CWC27: variants seen among roughly 807,000 people sequenced by gnomAD.
The protein encoded by CWC27 is spliceosome-associated protein CWC27 homolog.
Under a neutral mutation model 63.6 loss-of-function variants are expected in CWC27, and 47 were observed. The observed-to-expected ratio is 0.74, with a 90% CI of 0.58 to 0.94. The LOEUF (loss-of-function observed/expected upper bound fraction) is 0.94, where lower values mean the gene tolerates loss of function less well. Among genes scored for constraint, CWC27 ranks in the 40% least tolerant of loss-of-function variants. The pLI is 0.00. For synonymous variants in CWC27, 175 were observed against 179.8 expected, an observed-to-expected ratio of 0.97 and a Z score of 0.22; for missense variants, 495 against 554.3, an observed-to-expected ratio of 0.89 and a Z score of 1.07.
chr5:64,917,258 T>C (rs1289571988), intron 11 of CWC27, among the ~76,000 whole-genome samples: 1 of 152,186 alleles, frequency 6.6e-6, no homozygotes, highest in African/African-American at 2.4e-5. Context: ...TCGGTAGGCC[T>C]CTGCATACAT....
At chr5:64,931,263 A>G (rs566921466) in intron 11 of CWC27, among the ~76,000 whole-genome samples, 2 of 152,160 alleles carry the variant, frequency 1.3e-5, no homozygotes, top group South Asian at 4.1e-4. Flanking sequence ...CCTAGTCTCA[A>G]ATGATTGAGA....
chr5:64,783,069 A>G (rs1208363792), intron 3 of CWC27, among the ~76,000 whole-genome samples: 1 of 152,218 alleles, frequency 6.6e-6, no homozygotes, highest in Non-Finnish European at 1.5e-5. Flanking sequence ...TTTTGAATAC[A>G]GTATACAGAG....
chr5:64,829,830 T>C (rs1265914275), intron 10 of CWC27, among the ~76,000 whole-genome samples: 1 of 151,626 alleles, frequency 6.6e-6, no homozygotes, highest in African/African-American at 2.4e-5. Context: ...TGTGTGATGT[T>C]CCCCTCCCTG....
chr5:64,945,253 T>C lies in CWC27; in HGVS notation c.1043-26450T>C, dbSNP rs140422912. Among the ~76,000 whole-genome samples the C allele has an allele frequency of 1.6e-4, 25 of 152,328 alleles. 1 individual carries two copies. The highest frequency in any genetic ancestry group is 2.9e-4 in the Non-Finnish European group (20 of 68,032). On this transcript the variant is annotated intron_variant, in intron 11 of 13. Coordinates refer to ENST00000381070, the MANE Select transcript of CWC27 (RefSeq NM_005869.4). ...TTCCTTGTGTTACTACCTTGTAATA[T>C]ACTATATGTCTTATTAATTTGTTGT...
intron 2 of CWC27, among the ~76,000 whole-genome samples, chr5:64,781,147 T>C (rs796072504): frequency 9.8e-5 from 15 of 152,290 alleles, no homozygotes; most frequent in African/African-American, 3.4e-4. Flanking sequence ...TAGGAGGTCA[T>C]ATACAGTCTC....
intron 13 of CWC27, among the ~76,000 whole-genome samples, chr5:64,984,826 A>G (rs1170058096): frequency 6.6e-6 from 1 of 152,188 alleles, no homozygotes; most frequent in Admixed American, 6.5e-5. Flanking sequence ...TTCCTTTTAC[A>G]GGTTATGCTT....
At chr5:64,924,555 C>T (rs73107279) in intron 11 of CWC27, among the ~76,000 whole-genome samples, 15,511 of 152,202 alleles carry the variant, frequency 0.1, 2,422 homozygotes, top group African/African-American at 0.34. Context: ...CTTCTTTTAT[C>T]CTCCTATAGA....
intron 11 of CWC27, among the ~76,000 whole-genome samples, chr5:64,893,025 G>C (rs965183789): frequency 1.3e-5 from 2 of 152,198 alleles, no homozygotes; most frequent in Admixed American, 1.3e-4. Flanking sequence ...TCCACTCTTG[G>C]AAAGTAGAAG....
intron 11 of CWC27, among the ~76,000 whole-genome samples, chr5:64,893,393 A>T (rs1407653198): frequency 6.6e-6 from 1 of 152,206 alleles, no homozygotes; most frequent in East Asian, 1.9e-4. Context: ...TATAGTGTAA[A>T]CCTGTGAATA....
chr5:64,874,158 T>C, intron 10 of CWC27, among the ~76,000 whole-genome samples: 1 of 33,696 alleles, frequency 3.0e-5, no homozygotes, highest in Admixed American at 2.5e-4. Context: ...TTGATGCTTT[T>C]TTTTTTTTTT....
At chr5:64,786,459 C>A in intron 5 of CWC27, 65 bp from the exon 6 acceptor site, 2 of 926,770 alleles carry the variant, frequency 2.2e-6, no homozygotes, top group Non-Finnish European at 3.2e-6. Flanking sequence ...GAATTACATA[C>A]GGGGTTTGAT....
intron 11 of CWC27, among the ~76,000 whole-genome samples, chr5:64,929,246 A>G (rs776376004): frequency 6.6e-6 from 1 of 152,172 alleles, no homozygotes; most frequent in Non-Finnish European, 1.5e-5. Flanking sequence ...ATCAGTGGCA[A>G]TGAGTACATT....
At chr5:64,881,769 T>A (rs780760506) in intron 10 of CWC27, among the ~76,000 whole-genome samples, 1 of 152,200 alleles carries the variant, frequency 6.6e-6, no homozygotes. Context: ...AGTCTATACT[T>A]TCTTTGCCTC....
Position 64,781,531 on chromosome 5 carries a change from CA to C in CWC27, c.140-389del, listed in dbSNP as rs528226885. ...GTCTTTTGCAGTATAGGGTGTTTAG[CA>C]GTATCCCTGCCCCCTACTCACTGGA... On this transcript the variant is annotated intron_variant, in intron 2 of 13. Transcript: ENST00000381070. 1.0e-3 allele frequency among the ~76,000 whole-genome samples: 156 copies of C among 152,252 alleles called. 1 individual carries two copies. The highest frequency in any genetic ancestry group is 0.01 in the South Asian group (49 of 4,824).
chr5:64,950,800 A>G (rs1005318633), intron 11 of CWC27, among the ~76,000 whole-genome samples: 4 of 151,952 alleles, frequency 2.6e-5, no homozygotes, highest in African/African-American at 9.7e-5. Context: ...CCCTCTAGTC[A>G]TAGACCCAGC....
chr5:64,973,536 T>C (rs1749164855), intron 12 of CWC27, among the ~76,000 whole-genome samples: 1 of 152,230 alleles, frequency 6.6e-6, no homozygotes, highest in African/African-American at 2.4e-5. Context: ...AACTGAATAA[T>C]TCCCCTGCAG....
chr5:64,809,763 A>G (rs925547345), intron 10 of CWC27, among the ~76,000 whole-genome samples: 1 of 152,064 alleles, frequency 6.6e-6, no homozygotes, highest in African/African-American at 2.4e-5. Flanking sequence ...ATTGCTGTTG[A>G]GTTGTTTGAG....
At chr5:64,957,704 A>G (rs184785119) in intron 11 of CWC27, among the ~76,000 whole-genome samples, 1 of 152,298 alleles carries the variant, frequency 6.6e-6, no homozygotes, top group East Asian at 1.9e-4. Context: ...TGATAAGTTT[A>G]TGTAGTAGAC....
At chr5:64,964,746 C>T (rs993097470) in intron 11 of CWC27, among the ~76,000 whole-genome samples, 1 of 152,114 alleles carries the variant, frequency 6.6e-6, no homozygotes, top group East Asian at 1.9e-4. Context: ...AATAGACAAC[C>T]CTTAAAATAA....
Sources: allele counts gnomAD v4.1 joint callset (sites outside exome capture counted in the v4.1 genomes callset), GRCh38; gene constraint gnomAD v4.1.1; transcripts MANE v1.5; gene names NCBI Gene and HGNC (gene_info 2026-07-23, HGNC 2026-07-21).